The following ZKSCAN3 variants were observed in gnomAD, a reference collection of about 807,000 sequenced individuals.
ZKSCAN3 encodes zinc finger with KRAB and SCAN domains 3.
In ZKSCAN3, 21 loss-of-function variants were observed where a neutral mutation model predicts 30.7. The ratio of observed to expected loss-of-function variants is 0.68; its 90% CI spans 0.49 to 0.99. The LOEUF (loss-of-function observed/expected upper bound fraction) is 0.99, where lower values mean the gene tolerates loss of function less well. Among genes scored for constraint, ZKSCAN3 ranks in the 50% least tolerant of loss-of-function variants. The pLI is 0.00. For synonymous variants in ZKSCAN3, 201 were observed against 246.7 expected (o/e 0.81, Z 1.73); for missense variants, 507 against 647.1 (o/e 0.78, Z 2.35).
intron 2 of ZKSCAN3, 153 bp downstream of exon 2, chr6:28,360,141 CCTT>C (rs1765685876): frequency 5.9e-6 from 8 of 1,356,440 alleles, no homozygotes; most frequent in East Asian, 2.5e-5. Flanking sequence ...TCCCTGGACT[CCTT>C]CTCAGAATAA....
At chr6:28,361,602 T>G (rs1051317909) in intron 3 of ZKSCAN3, 131 bp downstream of exon 3, 2 of 1,003,802 alleles carry the variant, frequency 2.0e-6, no homozygotes, top group African/African-American at 3.4e-5. Flanking sequence ...AGACTGAGAC[T>G]AAAAGGAGTA....
chr6:28,361,574 C>A, intron 3 of ZKSCAN3, 103 bp downstream of exon 3: 1 of 1,293,606 alleles, frequency 7.7e-7, no homozygotes, highest in South Asian at 1.6e-5. Context: ...GTGCCCATCA[C>A]AGATCAACTC....
Position 28,351,571 on chromosome 6 carries a change from T to C in ZKSCAN3, c.-63+1504T>C, listed in dbSNP as rs1015583362. On this transcript the variant is annotated intron_variant, in intron 1 of 5. Transcript: ENST00000252211. The surrounding 1 kb of genome is among the most constrained non-coding windows in gnomAD (Gnocchi z 4.6). ...ATGACTCAGCTTCAGCCATCATCTT[T>C]TGGTCATTTTCTTTCATTCTTCTTT... Among the ~76,000 whole-genome samples, 1 of 152,182 alleles carries C rather than the reference T, an allele frequency of 6.6e-6. No individual in the cohort carries two copies. Among genetic ancestry groups the C allele is most frequent in the Non-Finnish European group, 1.5e-5 (1 of 68,020 alleles).
At chr6:28,360,099 G>A (rs1765681850) in intron 2 of ZKSCAN3, 111 bp downstream of exon 2, 1 of 1,578,414 alleles carries the variant, frequency 6.3e-7, no homozygotes, top group Non-Finnish European at 8.6e-7. Context: ...TCTCTTTTTT[G>A]TACCGTGAAC....
intron 2 of ZKSCAN3, chr6:28,360,232 A>T (rs1765690809): frequency 1.5e-6 from 1 of 663,612 alleles, no homozygotes; most frequent in African/African-American, 1.8e-5. Context: ...GCAAAGTATT[A>T]ACTTTGTATT....
rs1343397322 is a variant in ZKSCAN3, at chr6:28,368,363, C to A, written c.*2078C>A. 6.6e-6 allele frequency: 1 copy of A among 152,150 alleles called. No individual in the cohort carries two copies. Among genetic ancestry groups the A allele is most frequent in the African/African-American group, 2.4e-5 (1 of 41,430 alleles). The allele number at this position is 152,150 out of a possible 1,614,324, so 9.4% of individuals were successfully genotyped here. On this transcript the variant is annotated 3_prime_UTR_variant, in exon 6 of 6. Coordinates refer to ENST00000252211, the MANE Select transcript of ZKSCAN3 (RefSeq NM_024493.4). Reference sequence around the variant, plus strand: ...TTCTTATACATTGATTCCCAAATCACGTGTGGTAACAGCATCTCAATTTTT... The same window carrying A: ...TTCTTATACATTGATTCCCAAATCAAGTGTGGTAACAGCATCTCAATTTTT...
At chr6:28,360,812 A>G in intron 2 of ZKSCAN3, 1 of 952,024 alleles carries the variant, frequency 1.1e-6, no homozygotes, top group South Asian at 4.9e-5. Context: ...CACATGAGAA[A>G]GTAACTTGAA....
chr6:28,360,545 T>G (rs1016199292), intron 2 of ZKSCAN3: 5 of 984,992 alleles, frequency 5.1e-6, no homozygotes, highest in Non-Finnish European at 6.0e-6. Context: ...CCACTGGTTA[T>G]GAACCTCTGG....
In ZKSCAN3 at chr6:28,359,829, C is replaced by G. The variant is rs762886652; in HGVS notation, c.243C>G (p.Ser81Arg). 6.2e-7 allele frequency: 1 copy of G among 1,614,178 alleles called. No individual in the cohort carries two copies. The highest frequency in any genetic ancestry group is 8.5e-7 in the Non-Finnish European group (1 of 1,180,054). Residue 81 changes from serine (S) to arginine (R), a missense_variant, in exon 2 of 6, where the codon AGC becomes AGG. Transcript: ENST00000252211. ...CRQWLQPEMH[S>R]KEQILELLVL... ...AGTGGCTGCAGCCTGAGATGCACAGCAAGGAGCAGATCCTGGAGCTGCTGG... is the reference window on the plus strand; with the variant it reads ...AGTGGCTGCAGCCTGAGATGCACAGGAAGGAGCAGATCCTGGAGCTGCTGG...
chr6:28,350,457 C>T (rs1347256748), intron 1 of ZKSCAN3: 2 of 152,176 alleles, frequency 1.3e-5, no homozygotes, highest in Non-Finnish European at 2.9e-5. Flanking sequence ...GTCAGATTAC[C>T]TGGTTCAAAT....
At chr6:28,360,514 A>T in intron 2 of ZKSCAN3, 1 of 932,964 alleles carries the variant, frequency 1.1e-6, no homozygotes, top group Non-Finnish European at 1.3e-6. Flanking sequence ...TTCATGGACT[A>T]CGTGGGAAGG....
chr6:28,354,082 C>T, intron 1 of ZKSCAN3: 1 of 402,992 alleles, frequency 2.5e-6, no homozygotes, highest in South Asian at 1.8e-5. Context: ...CCTGCCGCTC[C>T]CACACTTACA....
At position 28,359,709 on chromosome 6, in the gene ZKSCAN3, T is replaced by G. The variant is rs767048197; in HGVS notation, c.123T>G (p.Gly41=). ...GTTTTCCCAGTAGCCCAGATCTGGG[T>G]TCTGAGGGCTCCCGCGAGCGCTTCC... ...EAGFPSSPDL[G]SEGSRERFRG... Residue 41 remains glycine (G), a synonymous_variant, in exon 2 of 6, where the codon GGT becomes GGG. Transcript: ENST00000252211. 6 of 1,614,158 alleles carry G rather than the reference T, an allele frequency of 3.7e-6. No individual in the cohort carries two copies. The Admixed American group carries it at 5.0e-5, about 13-fold the overall frequency.
Position 28,359,782 on chromosome 6 carries a change from C to T in ZKSCAN3, c.196C>T (p.Arg66Trp), listed in dbSNP as rs771623673. ...TGCAGGCCCCCGCGAGGCGCTGAGT[C>T]GGCTCCGAGAGCTCTGCCGACAGTG... ...EAAGPREALSRLRELCRQWLQ... is the reference protein window; with the variant it reads ...EAAGPREALSWLRELCRQWLQ... The change falls in exon 2 of 6, where the codon CGG becomes TGG. Residue 66 changes from arginine (R) to tryptophan (W), a missense_variant. Transcript: ENST00000252211. 22 of 1,614,092 alleles carry T rather than the reference C, an allele frequency of 1.4e-5. No individual in the cohort carries two copies. The highest frequency in any genetic ancestry group is 2.2e-5 in the East Asian group (1 of 44,902).
At chr6:28,350,592 G>C (rs1203985984) in intron 1 of ZKSCAN3, among the ~76,000 whole-genome samples, 2 of 152,146 alleles carry the variant, frequency 1.3e-5, no homozygotes, top group Non-Finnish European at 2.9e-5. Flanking sequence ...TGTGAGGATT[G>C]AATGCATTCG....
intron 2 of ZKSCAN3, chr6:28,360,584 G>A (rs1765712106): frequency 1.0e-6 from 1 of 984,060 alleles, no homozygotes; most frequent in Non-Finnish European, 1.2e-6. Context: ...TTACCTCCAT[G>A]TTCTTCCCTG....
At position 28,351,429 on chromosome 6, in the gene ZKSCAN3, G is replaced by T. The variant is rs1025423685; in HGVS notation, c.-63+1362G>T. Among the ~76,000 whole-genome samples, 1 of 151,988 alleles carries T rather than the reference G, an allele frequency of 6.6e-6. No homozygotes were observed. The highest frequency in any genetic ancestry group is 1.5e-5 in the Non-Finnish European group (1 of 68,004). On this transcript the variant is annotated intron_variant, in intron 1 of 5. Transcript: ENST00000252211. This position sits in a 1 kb window ranked among gnomAD's most constrained non-coding sequence, Gnocchi z 4.6. Reference sequence around the variant, plus strand: ...CTTGACCCTACCTTAATGCTTTTTGGCTGTATTATTCAGGAAGGAAAGAAG... The same window carrying T: ...CTTGACCCTACCTTAATGCTTTTTGTCTGTATTATTCAGGAAGGAAAGAAG...
rs1214617723 is a variant in ZKSCAN3, at chr6:28,351,626, TCTC to T, written c.-63+1568_-63+1570del. On this transcript the variant is annotated intron_variant, in intron 1 of 5. Transcript: ENST00000252211. The surrounding 1 kb of genome is among the most constrained non-coding windows in gnomAD (Gnocchi z 4.6). The stretch of plus-strand genomic sequence containing the variant: ...TCCTTTCCACTCTCTTTCCTTCCCT[TCTC>T]CTCCTCCTTCCCTTTTGTCTCCCTC... 6.6e-6 allele frequency among the ~76,000 whole-genome samples: 1 copy of T among 151,776 alleles called. No individual in the cohort carries two copies. The highest frequency in any genetic ancestry group is 1.5e-5 in the Non-Finnish European group (1 of 67,956).
At chr6:28,362,639 A>G (rs1765812008) in intron 3 of ZKSCAN3, among the ~76,000 whole-genome samples, 1 of 152,174 alleles carries the variant, frequency 6.6e-6, no homozygotes, top group African/African-American at 2.4e-5. Flanking sequence ...GAAGTTATAT[A>G]AGGAATATAT....
Sources: allele counts gnomAD v4.1 joint callset (sites outside exome capture counted in the v4.1 genomes callset), GRCh38; gene constraint gnomAD v4.1.1; non-coding constraint Gnocchi (gnomAD v3.1); transcripts MANE v1.5; gene names NCBI Gene and HGNC (gene_info 2026-07-23, HGNC 2026-07-21).